The following MCTP1 variants were observed in gnomAD, a reference collection of about 807,000 sequenced individuals.
The protein encoded by MCTP1 is multiple C2 and transmembrane domain containing 1.
Under a neutral mutation model 120.6 loss-of-function variants are expected in MCTP1, and 69 were observed. The observed-to-expected ratio is 0.57, with a 90% CI of 0.47 to 0.70. The LOEUF (loss-of-function observed/expected upper bound fraction) is 0.70. Among genes scored for constraint, MCTP1 ranks in the 30% least tolerant of loss-of-function variants. The probability of loss-of-function intolerance (pLI) is 0.00; values close to 1 mark genes in which losing one functional copy is unlikely to be tolerated. For synonymous variants in MCTP1, 529 were observed against 493.1 expected (o/e 1.07, Z -0.96); for missense variants, 1,203 against 1,248.8 (o/e 0.96, Z 0.55).
At chr5:94,989,384 AT>A (rs1831074837) in intron 2 of MCTP1, among the ~76,000 whole-genome samples, 1 of 152,208 alleles carries the variant, frequency 6.6e-6, no homozygotes, top group Admixed American at 6.5e-5. Flanking sequence ...ACATTCATTT[AT>A]TGTCTCACAG....
intron 5 of MCTP1, among the ~76,000 whole-genome samples, chr5:94,932,855 G>T (rs536509398): frequency 4.5e-4 from 68 of 152,034 alleles, no homozygotes; most frequent in African/African-American, 1.6e-3. Context: ...TTGTGTATCA[G>T]GGAAATGTAC....
chr5:95,251,564 T>A (rs1757385539), intron 1 of MCTP1, among the ~76,000 whole-genome samples: 1 of 151,974 alleles, frequency 6.6e-6, no homozygotes. Context: ...GATGGTGGAG[T>A]TTAAGTTGAG....
intron 19 of MCTP1, among the ~76,000 whole-genome samples, chr5:94,733,223 T>C (rs1006901354): frequency 2.0e-5 from 3 of 152,224 alleles, no homozygotes; most frequent in African/African-American, 7.2e-5. Flanking sequence ...TTCCATTAGA[T>C]GTCCTGCTTT....
chr5:94,749,654 C>CAAAAAAAAAAAAAAAAAAAAA (rs57404381), intron 19 of MCTP1, among the ~76,000 whole-genome samples: 1 of 50,962 alleles, frequency 2.0e-5, no homozygotes, highest in Non-Finnish European at 3.3e-5. Context: ...GACTTCATCT[C>CAAAAAAAAAAAAAAAAAAAAA]AAAAAAAAAA....
chr5:94,976,646 T>C (rs1275510766), intron 2 of MCTP1: 3 of 152,088 alleles, frequency 2.0e-5, no homozygotes, highest in Non-Finnish European at 4.4e-5. Context: ...TAAATAGATA[T>C]AGCAAACATA....
chr5:94,779,121 TGTCATCTTC>T lies in MCTP1; in HGVS notation c.2590_2598del (p.Glu864_Asp866del), dbSNP rs1384392181. On this transcript the variant is annotated inframe_deletion, in exon 19 of 23. Transcript: ENST00000515393. ...GGAAAGATAATTACCTTGTCATCTT[TGTCATCTTC>T]TTCTTCCTCGTCCTCTAGCATGTCC... 6.2e-7 allele frequency: 1 copy of T among 1,613,644 alleles called. No individual in the cohort carries two copies. Among genetic ancestry groups the T allele is most frequent in the Non-Finnish European group, 8.5e-7 (1 of 1,179,614 alleles).
intron 1 of MCTP1, among the ~76,000 whole-genome samples, chr5:95,099,411 C>G (rs1756535930): frequency 6.6e-6 from 1 of 151,434 alleles, no homozygotes; most frequent in African/African-American, 2.4e-5. Flanking sequence ...GCAATGAACT[C>G]AAACAAATTT....
intron 19 of MCTP1, among the ~76,000 whole-genome samples, chr5:94,752,387 G>A (rs188369240): frequency 6.6e-5 from 10 of 151,762 alleles, no homozygotes; most frequent in Admixed American, 2.0e-4. Flanking sequence ...CCAAATGTTC[G>A]CCAGAGTATC....
At chr5:94,987,274 A>G (rs1830590031) in intron 2 of MCTP1, among the ~76,000 whole-genome samples, 1 of 152,158 alleles carries the variant, frequency 6.6e-6, no homozygotes, top group Admixed American at 6.6e-5. Context: ...AATAATTAAC[A>G]TGATTGCCAC....
At chr5:94,825,062 A>T (rs1045458652) in intron 17 of MCTP1, among the ~76,000 whole-genome samples, 1 of 151,840 alleles carries the variant, frequency 6.6e-6, no homozygotes, top group South Asian at 2.1e-4. Context: ...GATCTTAGTT[A>T]TTTCTTGTCT....
rs184314659 is a variant in MCTP1 at position 94,926,428 on chromosome 5, G to C, written c.1213-2407C>G. Among the ~76,000 whole-genome samples, 7 of 151,924 alleles carry C rather than the reference G, an allele frequency of 4.6e-5. 1 individual carries two copies. The South Asian group carries it at 1.5e-3, about 32-fold the overall frequency. The stretch of plus-strand genomic sequence containing the variant: ...ACAAATCATGTATATAAACTTTCCT[G>C]GTCAGATTGCAATCACTGTTCATCA... On this transcript the variant is annotated intron_variant, in intron 6 of 22. Coordinates refer to ENST00000515393, the MANE Select transcript of MCTP1 (RefSeq NM_024717.7).
intron 19 of MCTP1, among the ~76,000 whole-genome samples, chr5:94,765,172 G>T (rs939630265): frequency 1.3e-5 from 2 of 151,812 alleles, no homozygotes; most frequent in African/African-American, 4.8e-5. Flanking sequence ...TCATTAAAAA[G>T]AAAATAAAAG....
intron 2 of MCTP1, among the ~76,000 whole-genome samples, chr5:94,973,731 A>T (rs1159999468): frequency 6.6e-6 from 1 of 152,134 alleles, no homozygotes; most frequent in African/African-American, 2.4e-5. Flanking sequence ...CTATAGAAAA[A>T]TATAATTAAA....
intron 1 of MCTP1, among the ~76,000 whole-genome samples, chr5:95,248,653 G>T (rs1757064960): frequency 6.6e-6 from 1 of 152,058 alleles, no homozygotes; most frequent in African/African-American, 2.4e-5. Context: ...TTTCTTCACA[G>T]AATTGGAAAA....
At position 94,981,921 on chromosome 5, in the gene MCTP1, A is replaced by C. The variant is rs770032501; in HGVS notation, c.839-28560T>G. ...TGGGGTTTTTCTTCAAGTAAATTAAAATAAGAGAGCAAATGAATAATCAGG... is the reference window on the plus strand; with the variant it reads ...TGGGGTTTTTCTTCAAGTAAATTAACATAAGAGAGCAAATGAATAATCAGG... On this transcript the variant is annotated intron_variant, in intron 2 of 22. Transcript: ENST00000515393. Among the ~76,000 whole-genome samples the C allele has an allele frequency of 1.1e-3, 171 of 152,192 alleles. 3 individuals are homozygous for C. Among genetic ancestry groups the C allele is most frequent in the Non-Finnish European group, 3.5e-4 (24 of 68,040 alleles).
At chr5:95,270,294 C>G (rs577155450) in intron 1 of MCTP1, among the ~76,000 whole-genome samples, 1 of 152,306 alleles carries the variant, frequency 6.6e-6, no homozygotes, top group South Asian at 2.1e-4. Flanking sequence ...GTCCATCATA[C>G]AGATGTATAA....
chr5:95,194,845 A>C (rs1230067034), intron 1 of MCTP1, among the ~76,000 whole-genome samples: 1 of 152,206 alleles, frequency 6.6e-6, no homozygotes, highest in Non-Finnish European at 1.5e-5. Context: ...ACAGAATAAA[A>C]CAGAGCCCTG....
intron 1 of MCTP1, among the ~76,000 whole-genome samples, chr5:95,160,361 T>C (rs1316371934): frequency 1.3e-5 from 2 of 152,164 alleles, no homozygotes; most frequent in African/African-American, 2.4e-5. Context: ...GGAGTACAAT[T>C]ACTAGTTTCT....
chr5:94,757,776 G>A (rs1202918474), intron 19 of MCTP1, among the ~76,000 whole-genome samples: 2 of 152,166 alleles, frequency 1.3e-5, no homozygotes, highest in African/African-American at 4.8e-5. Context: ...AAAGATTCTG[G>A]AGTTCTCTCC....
Sources: allele counts gnomAD v4.1 joint callset (sites outside exome capture counted in the v4.1 genomes callset), GRCh38; gene constraint gnomAD v4.1.1; transcripts MANE v1.5; gene names NCBI Gene and HGNC (gene_info 2026-07-23, HGNC 2026-07-21).